EIF3H: variants seen among roughly 807,000 people sequenced by gnomAD.
The protein encoded by EIF3H is eIF-3-gamma.
A neutral mutation model predicts 44.2 loss-of-function variants in EIF3H; 26 were observed. The observed-to-expected ratio is 0.59, with a 90% CI of 0.43 to 0.82. EIF3H has a LOEUF of 0.82. Among genes scored for constraint, EIF3H ranks in the 40% least tolerant of loss-of-function variants. The probability of loss-of-function intolerance (pLI) is 0.00; values close to 1 mark genes in which losing one functional copy is unlikely to be tolerated. For missense variants in EIF3H, 359 were observed against 432.8 expected, an observed-to-expected ratio of 0.83 and a Z score of 1.51; for synonymous variants, 166 against 151.9, an observed-to-expected ratio of 1.09 and a Z score of -0.68.
chr8:116,734,409 G>A (rs1814999558), intron 1 of EIF3H: 1 of 455,268 alleles, frequency 2.2e-6, no homozygotes, highest in Admixed American at 2.4e-5. Flanking sequence ...TAATAAAAAT[G>A]CTAATATTTA....
At chr8:116,696,723 T>C (rs1231014786) in intron 2 of EIF3H, among the ~76,000 whole-genome samples, 1 of 152,222 alleles carries the variant, frequency 6.6e-6, no homozygotes, top group Admixed American at 6.5e-5. Context: ...GTTGTTAGCA[T>C]GATATTGAAT....
In EIF3H at chr8:116,646,550, G is replaced by T; in HGVS notation, c.882C>A (p.Pro294=). 6.2e-7 allele frequency: 1 copy of T among 1,614,128 alleles called. No homozygotes were observed. The highest frequency in any genetic ancestry group is 8.5e-7 in the Non-Finnish European group (1 of 1,180,022). ...ENMQRQSRGE[P]PLPEEDLSKL... is the part of the protein sequence containing the mutation. ...TGGACAGGTCCTCCTCAGGGAGCGG[G>T]GGTTCTCCTCGGCTCTGGCGCTGCA... Residue 294 remains proline (P), a synonymous_variant, in exon 7 of 8, where the codon CCC becomes CCA. Coordinates refer to ENST00000521861, the MANE Select transcript of EIF3H (RefSeq NM_003756.3).
At chr8:116,734,810 C>G (rs574985922) in intron 1 of EIF3H, among the ~76,000 whole-genome samples, 1 of 152,144 alleles carries the variant, frequency 6.6e-6, no homozygotes, top group Non-Finnish European at 1.5e-5. Flanking sequence ...TCTACCCACC[C>G]GGGGCCTCCA....
chr8:116,743,445 T>C (rs754322633), intron 1 of EIF3H, among the ~76,000 whole-genome samples: 1 of 150,926 alleles, frequency 6.6e-6, no homozygotes, highest in African/African-American at 2.4e-5. Context: ...AGCAAGATCC[T>C]GTCTCAAAAA....
chr8:116,677,241 T>C (rs545872375), intron 2 of EIF3H, among the ~76,000 whole-genome samples: 1 of 152,250 alleles, frequency 6.6e-6, no homozygotes, highest in African/African-American at 2.4e-5. Context: ...TGTTAGATGA[T>C]GTTTAAATCC....
chr8:116,680,674 G>A (rs1195856964), intron 2 of EIF3H, among the ~76,000 whole-genome samples: 17 of 131,538 alleles, frequency 1.3e-4, no homozygotes, highest in Admixed American at 2.3e-4. Flanking sequence ...TAAGTACCCA[G>A]GGACACAAAC....
intron 1 of EIF3H, among the ~76,000 whole-genome samples, chr8:116,748,360 AG>A (rs760417365): frequency 3.3e-5 from 5 of 152,216 alleles, no homozygotes; most frequent in Non-Finnish European, 7.3e-5. Context: ...ATCCCTGTAC[AG>A]GGTCTTATAA....
intron 2 of EIF3H, among the ~76,000 whole-genome samples, chr8:116,717,857 C>T (rs1302386107): frequency 1.3e-5 from 2 of 151,962 alleles, no homozygotes; most frequent in African/African-American, 2.4e-5. Context: ...ACGACAAGAA[C>T]CCAAAAGAAA....
intron 2 of EIF3H, among the ~76,000 whole-genome samples, chr8:116,663,729 G>A (rs1319286602): frequency 2.0e-5 from 3 of 151,978 alleles, no homozygotes; most frequent in Non-Finnish European, 4.4e-5. Flanking sequence ...TCAGGAGTTC[G>A]AAACCAGCCT....
chr8:116,647,166 G>T (rs1241358603), intron 6 of EIF3H, among the ~76,000 whole-genome samples: 1 of 151,576 alleles, frequency 6.6e-6, no homozygotes, highest in Non-Finnish European at 1.5e-5. Context: ...GCTCACTGCA[G>T]CCTCCGCCTC....
intron 2 of EIF3H, among the ~76,000 whole-genome samples, chr8:116,688,669 T>C (rs974152916): frequency 6.6e-6 from 1 of 152,170 alleles, no homozygotes; most frequent in Admixed American, 6.5e-5. Flanking sequence ...GGAGAATCCA[T>C]GGTGCTACCT....
At chr8:116,678,447 GC>G (rs1190847197) in intron 2 of EIF3H, among the ~76,000 whole-genome samples, 2 of 149,730 alleles carry the variant, frequency 1.3e-5, no homozygotes, top group Admixed American at 1.3e-4. Context: ...TCTCTGCCTG[GC>G]CCCCCATCGT....
intron 2 of EIF3H, among the ~76,000 whole-genome samples, chr8:116,710,226 A>T (rs1814551050): frequency 6.6e-6 from 1 of 152,246 alleles, no homozygotes; most frequent in Non-Finnish European, 1.5e-5. Flanking sequence ...TCTGCAAAGC[A>T]ATGTATTCTA....
At chr8:116,711,676 C>A (rs565932149) in intron 2 of EIF3H, among the ~76,000 whole-genome samples, 1 of 152,286 alleles carries the variant, frequency 6.6e-6, no homozygotes, top group East Asian at 1.9e-4. Flanking sequence ...CTTTGAATTA[C>A]AAACTTGGAG....
At chr8:116,751,259 T>C (rs1815335760) in intron 1 of EIF3H, among the ~76,000 whole-genome samples, 1 of 146,878 alleles carries the variant, frequency 6.8e-6, no homozygotes, top group East Asian at 1.9e-4. Flanking sequence ...AAAGTATGAA[T>C]GGTAGACTGA....
In EIF3H at chr8:116,700,622, A is replaced by G. The variant is rs1432601296; in HGVS notation, c.289+25394T>C. The stretch of plus-strand genomic sequence containing the variant: ...CAAAGATCAAATGCAAGTATGGCTT[A>G]CTGTTCCTGTTTCTAGTGAGTCAAG... On this transcript the variant is annotated intron_variant, in intron 2 of 7. Coordinates refer to ENST00000521861, the MANE Select transcript of EIF3H (RefSeq NM_003756.3). 2.0e-5 allele frequency among the ~76,000 whole-genome samples: 3 copies of G among 152,232 alleles called. No individual in the cohort carries two copies. In the East Asian group the frequency reaches 5.8e-4, roughly 29 times the overall value.
chr8:116,682,083 G>A (rs1586453774), intron 2 of EIF3H, among the ~76,000 whole-genome samples: 1 of 152,172 alleles, frequency 6.6e-6, no homozygotes, highest in Admixed American at 6.5e-5. Flanking sequence ...TCAGATCAAA[G>A]AGCATAAAAG....
chr8:116,757,532 T>G (rs114880454), upstream of EIF3H, among the ~76,000 whole-genome samples: 1,785 of 152,248 alleles, frequency 0.012, 38 homozygotes, highest in African/African-American at 0.04. Flanking sequence ...TGTTCTCTTT[T>G]ATGGTGACCT....
At chr8:116,709,671 C>CT (rs374643391) in intron 2 of EIF3H, among the ~76,000 whole-genome samples, 23 of 152,112 alleles carry the variant, frequency 1.5e-4, no homozygotes, top group African/African-American at 5.3e-4. Context: ...TAGCTCTTGT[C>CT]TTTAAGTAGT....
Sources: allele counts gnomAD v4.1 joint callset (sites outside exome capture counted in the v4.1 genomes callset), GRCh38; gene constraint gnomAD v4.1.1; transcripts MANE v1.5; gene names NCBI Gene and HGNC (gene_info 2026-07-23, HGNC 2026-07-21).